HLCS: variants seen among roughly 807,000 people sequenced by gnomAD.
The protein encoded by HLCS is biotin--protein ligase.
HLCS carries 53 observed loss-of-function variants against 75.0 expected under a neutral mutation model. The ratio of observed to expected loss-of-function variants is 0.71; its 90% CI spans 0.57 to 0.89. HLCS has a LOEUF of 0.89. Ranked by LOEUF, HLCS falls within the 40% of genes least tolerant of loss-of-function variation. HLCS has a pLI of 0.00. For missense variants in HLCS, 966 were observed against 1,074.0 expected, an observed-to-expected ratio of 0.90 and a Z score of 1.41; for synonymous variants, 431 against 428.6, an observed-to-expected ratio of 1.01 and a Z score of -0.07.
intron 6 of HLCS, among the ~76,000 whole-genome samples, chr21:36,774,155 C>T (rs778147176): frequency 2.0e-5 from 3 of 152,122 alleles, no homozygotes; most frequent in East Asian, 1.9e-4. Flanking sequence ...AGAAGAGGCC[C>T]GACTTCTGAC....
intron 5 of HLCS, among the ~76,000 whole-genome samples, chr21:36,923,897 G>C (rs887937899): frequency 6.6e-6 from 1 of 152,140 alleles, no homozygotes; most frequent in Non-Finnish European, 1.5e-5. Context: ...AAAGAAACGA[G>C]AGAAAGAGGT....
intron 2 of HLCS, among the ~76,000 whole-genome samples, chr21:36,944,850 C>T (rs553098804): frequency 2.0e-5 from 3 of 152,148 alleles, no homozygotes; most frequent in African/African-American, 4.8e-5. Flanking sequence ...TGGCCTGGCA[C>T]GGTGGCTCAC....
rs865988566 is a variant in HLCS at position 36,827,963 on chromosome 21, G to A, written c.1893-60678C>T. 8.6e-5 allele frequency among the ~76,000 whole-genome samples: 13 copies of A among 151,844 alleles called. No individual in the cohort carries two copies. The South Asian group carries it at 1.3e-3, about 15-fold the overall frequency. On this transcript the variant is annotated intron_variant, in intron 6 of 10. Transcript: ENST00000674895. ...CAAGTAGCTGGGACTACAGGCTCCC[G>A]CCACCACACCCAGCTAATTTTTTGT...
chr21:36,751,445 C>T lies in HLCS; in HGVS notation c.*2801G>A, dbSNP rs1234764289. The T allele has an allele frequency of 6.6e-6, 1 of 152,344 alleles. No individual in the cohort carries two copies. Among genetic ancestry groups the T allele is most frequent in the Admixed American group, 6.5e-5 (1 of 15,290 alleles). 9.4% of individuals were successfully genotyped at this position (152,344 alleles called of 1,614,324 possible). On this transcript the variant is annotated 3_prime_UTR_variant, in exon 11 of 11. Transcript: ENST00000674895. ...CTGAAGCAGTGCGGGGAGGCTGGCT[C>T]CTCTCTTTGTTCCCAGACTCCAGGG... is the stretch of plus-strand genomic sequence containing the variant.
In HLCS at chr21:36,893,579, C is replaced by T. The variant is rs139143967; in HGVS notation, c.1892+3281G>A. On this transcript the variant is annotated intron_variant, in intron 6 of 10. Coordinates refer to ENST00000674895, the MANE Select transcript of HLCS (RefSeq NM_001352514.2). ...CAGTTTGTCCATGGACAGGGGGTTT[C>T]GGGATGAAACTGCTCCACCTCAGAT... Among the ~76,000 whole-genome samples, 71 of 152,248 alleles carry T rather than the reference C, an allele frequency of 4.7e-4. No homozygotes were observed. The East Asian group carries it at 0.012, about 25-fold the overall frequency.
intron 6 of HLCS, among the ~76,000 whole-genome samples, chr21:36,853,751 T>C (rs1044047596): frequency 6.6e-6 from 1 of 152,222 alleles, no homozygotes; most frequent in Non-Finnish European, 1.5e-5. Flanking sequence ...TCAACAAAAC[T>C]GAAGGAGGAC....
rs772808561 is a variant in HLCS, at chr21:36,930,347, G to A, written c.1524C>T (p.Tyr508=). ...NLLKSSNFRR[Y]EVLREILTTL... is the part of the protein sequence containing the mutation. ...TTGTCAGAATCTCTCTAAGGACTTCGTATCTTCTAAAATTGCTTGACTTGA... is the reference window on the plus strand; with the variant it reads ...TTGTCAGAATCTCTCTAAGGACTTCATATCTTCTAAAATTGCTTGACTTGA... The change falls in exon 5 of 11, where the codon TAC becomes TAT. Residue 508 remains tyrosine (Y), a synonymous_variant. Transcript: ENST00000674895. The A allele has an allele frequency of 9.3e-6, 15 of 1,613,802 alleles. No individual in the cohort carries two copies. Among genetic ancestry groups the A allele is most frequent in the African/African-American group, 4.0e-5 (3 of 74,836 alleles).
chr21:36,906,240 A>G (rs530742663), intron 5 of HLCS, among the ~76,000 whole-genome samples: 1 of 152,294 alleles, frequency 6.6e-6, no homozygotes, highest in South Asian at 2.1e-4. Flanking sequence ...ATTAAAAATT[A>G]AAGATGTCTG....
intron 6 of HLCS, among the ~76,000 whole-genome samples, chr21:36,840,760 C>T (rs1055312160): frequency 6.6e-6 from 1 of 151,974 alleles, no homozygotes; most frequent in Admixed American, 6.6e-5. Context: ...TTACAGGCGC[C>T]CACCACCACG....
At chr21:36,955,480 AT>A (rs958660967) in intron 2 of HLCS, among the ~76,000 whole-genome samples, 29 of 151,744 alleles carry the variant, frequency 1.9e-4, no homozygotes, top group Admixed American at 2.6e-4. Context: ...TAAAAACAAA[AT>A]TTTTTTTTAA....
Position 36,807,630 on chromosome 21 carries a change from C to T in HLCS, c.1893-40345G>A, listed in dbSNP as rs563676301. ...AGAGGTTCGTCCTCACAATAATAAC[C>T]GCTAACACTGAGTGACAGCATGTGA... On this transcript the variant is annotated intron_variant, in intron 6 of 10. Transcript: ENST00000674895. Among the ~76,000 whole-genome samples the T allele has an allele frequency of 4.6e-5, 7 of 152,284 alleles. No homozygotes were observed. The East Asian group carries it at 1.4e-3, about 29-fold the overall frequency.
intron 2 of HLCS, among the ~76,000 whole-genome samples, chr21:36,941,293 TC>T (rs1432175897): frequency 6.6e-6 from 1 of 152,188 alleles, no homozygotes; most frequent in Non-Finnish European, 1.5e-5. Flanking sequence ...ATACCTTGCT[TC>T]CCCCTTTGCC....
chr21:36,787,362 C>T (rs1434523162), intron 6 of HLCS, among the ~76,000 whole-genome samples: 4 of 152,190 alleles, frequency 2.6e-5, no homozygotes, highest in African/African-American at 9.6e-5. Context: ...GACTCCCTGC[C>T]ACAGCCAGGA....
intron 6 of HLCS, among the ~76,000 whole-genome samples, chr21:36,843,105 A>G (rs1208779466): frequency 6.6e-6 from 1 of 152,240 alleles, no homozygotes; most frequent in Admixed American, 6.5e-5. Flanking sequence ...TCTTTTAATT[A>G]AACACATCTT....
At chr21:36,779,219 T>C (rs1306434928) in intron 6 of HLCS, among the ~76,000 whole-genome samples, 3 of 152,102 alleles carry the variant, frequency 2.0e-5, no homozygotes, top group Admixed American at 6.5e-5. Context: ...AAAAATTCCA[T>C]GTGTAGTAGA....
At chr21:36,851,638 T>C (rs992832521) in intron 6 of HLCS, among the ~76,000 whole-genome samples, 1 of 152,128 alleles carries the variant, frequency 6.6e-6, no homozygotes, top group Non-Finnish European at 1.5e-5. Context: ...CAGTAAAAAA[T>C]ATTTTAATTG....
chr21:36,953,683 A>G (rs2067777158), intron 2 of HLCS, among the ~76,000 whole-genome samples: 1 of 152,218 alleles, frequency 6.6e-6, no homozygotes, highest in South Asian at 2.1e-4. Flanking sequence ...GCTAAAAAGG[A>G]ACCTGAACAT....
At chr21:36,764,946 TAAACAA>T in intron 8 of HLCS, 60 bp downstream of exon 8, 1 of 1,542,962 alleles carries the variant, frequency 6.5e-7, no homozygotes, top group Non-Finnish European at 8.9e-7. Flanking sequence ...GCACATGCTA[TAAACAA>T]GAATAAGCCA....
rs73196003 is a variant in HLCS, at chr21:36,936,818, C to G, written c.1068G>C (p.Pro356=). Residue 356 remains proline, a synonymous_variant, in exon 4 of 11, where the codon CCG becomes CCC. Transcript: ENST00000674895. ...CCAACAGCAGACAGTTGTCCGTCCA[C>G]GGGTCTCTGAGAGCACTGTCCTCCA... The part of the protein sequence containing the change: ...HLLEDSALRD[P]WTDNCLLLVI... 1.9e-6 allele frequency: 3 copies of G among 1,614,158 alleles called. No homozygotes were observed. In the African/African-American group the frequency reaches 4.0e-5, roughly 22 times the overall value.
Sources: allele counts gnomAD v4.1 joint callset (sites outside exome capture counted in the v4.1 genomes callset), GRCh38; gene constraint gnomAD v4.1.1; transcripts MANE v1.5; gene names NCBI Gene and HGNC (gene_info 2026-07-23, HGNC 2026-07-21).